PRIM1: variants seen among roughly 807,000 people sequenced by gnomAD.
PRIM1 encodes the protein DNA primase small subunit.
Under a neutral mutation model 60.2 loss-of-function variants are expected in PRIM1, and 38 were observed. The ratio of observed to expected loss-of-function variants is 0.63; its 90% CI spans 0.49 to 0.83. The LOEUF (loss-of-function observed/expected upper bound fraction) is 0.83, where lower values mean the gene tolerates loss of function less well. PRIM1 is among the 40% of genes least tolerant of loss of function. PRIM1 has a pLI of 0.00. For synonymous variants in PRIM1, 158 were observed against 160.2 expected (o/e 0.99, Z 0.10); for missense variants, 388 against 506.2 (o/e 0.77, Z 2.24).
At position 56,734,241 on chromosome 12, in the gene PRIM1, A is replaced by G. The variant is rs1161132231; in HGVS notation, c.1149T>C (p.Tyr383=). 1.9e-6 allele frequency: 3 copies of G among 1,550,788 alleles called. No homozygotes were observed. The highest frequency in any genetic ancestry group is 2.7e-5 in the African/African-American group (2 of 72,972). The change falls in exon 12 of 13, where the codon TAT becomes TAC. Residue 383 remains tyrosine, a synonymous_variant. Transcript: ENST00000338193. Reference sequence around the variant, plus strand: ...CATAAGGTGCTAGACTGGTCTTCTTATAATCTAAATTATGAAGAATGTACA... The same window carrying G: ...CATAAGGTGCTAGACTGGTCTTCTTGTAATCTAAATTATGAAGAATGTACA... ...ESDVKHRTRD[Y]KKTSLAPYVK...
At chr12:56,746,671 CACACAAAT>C (rs1254049564) in intron 4 of PRIM1, 102 bp downstream of exon 4, 33 of 660,440 alleles carry the variant, frequency 5.0e-5, no homozygotes, top group South Asian at 2.1e-4. Flanking sequence ...CACACACACA[CACACAAAT>C]TAATGAGATT....
intron 9 of PRIM1, among the ~76,000 whole-genome samples, chr12:56,740,314 G>A (rs1470403826): frequency 6.6e-6 from 1 of 151,902 alleles, no homozygotes; most frequent in African/African-American, 2.4e-5. Context: ...CCTGAAAATA[G>A]AACAAAATAG....
chr12:56,742,182 G>A (rs1460245363), intron 7 of PRIM1: 10 of 307,490 alleles, frequency 3.3e-5, no homozygotes, highest in Non-Finnish European at 5.0e-5. Flanking sequence ...AAATCTGCAA[G>A]GTGAAGGTTG....
intron 12 of PRIM1, among the ~76,000 whole-genome samples, chr12:56,733,092 T>A (rs544720258): frequency 6.6e-6 from 1 of 150,824 alleles, no homozygotes; most frequent in Admixed American, 6.6e-5. Context: ...TGACCTCAGG[T>A]GATCCACCTG....
At position 56,751,110 on chromosome 12, in the gene PRIM1, C is replaced by T. The variant is rs1191364715; in HGVS notation, c.189G>A (p.Gln63=). 3.8e-6 allele frequency: 6 copies of T among 1,595,298 alleles called. No homozygotes were observed. Among genetic ancestry groups the T allele is most frequent in the African/African-American group, 2.7e-5 (2 of 74,538 alleles). Residue 63 remains glutamine, a synonymous_variant, in exon 2 of 13, where the codon CAG becomes CAA. Coordinates refer to ENST00000338193, the MANE Select transcript of PRIM1 (RefSeq NM_000946.3). ...IYIRYQSFNN[Q]SDLEKEMQKM... is the part of the protein sequence containing the mutation. ...TCTGCATCTCCTTTTCCAGATCACTCTGGTTGTTGAAGGATTGGTAGCGAA... is the reference window on the plus strand; with the variant it reads ...TCTGCATCTCCTTTTCCAGATCACTTTGGTTGTTGAAGGATTGGTAGCGAA...
chr12:56,745,956 A>G (rs1410388879), intron 5 of PRIM1, 89 bp downstream of exon 5: 4 of 1,259,112 alleles, frequency 3.2e-6, no homozygotes, highest in Non-Finnish European at 4.3e-6. Context: ...AAAAAAAAAG[A>G]TAGTTTCATT....
At chr12:56,747,166 A>C in intron 2 of PRIM1, 134 bp from the exon 3 acceptor site, 1 of 673,592 alleles carries the variant, frequency 1.5e-6, no homozygotes, top group Admixed American at 2.8e-5. Flanking sequence ...TGACAGTGAA[A>C]GTTCATTATT....
intron 12 of PRIM1, among the ~76,000 whole-genome samples, chr12:56,733,011 C>T (rs1422209067): frequency 2.0e-5 from 3 of 151,442 alleles, no homozygotes; most frequent in Non-Finnish European, 2.9e-5. Flanking sequence ...CACAATACCA[C>T]GCCCGGCTAA....
At chr12:56,740,238 A>G (rs890028300) in intron 9 of PRIM1, among the ~76,000 whole-genome samples, 5 of 152,152 alleles carry the variant, frequency 3.3e-5, no homozygotes, top group African/African-American at 1.2e-4. Context: ...TTATTTCTAT[A>G]TTTAGAAATA....
At chr12:56,744,019 C>A in intron 6 of PRIM1, 46 bp downstream of exon 6, 2 of 1,361,890 alleles carry the variant, frequency 1.5e-6, no homozygotes, top group Non-Finnish European at 1.0e-6. Flanking sequence ...AGGCACATGC[C>A]GGTAAATCAG....
At chr12:56,744,146 A>G (rs753794336) in intron 5 of PRIM1, 23 bp from the exon 6 acceptor site, 5 of 1,491,696 alleles carry the variant, frequency 3.4e-6, no homozygotes, top group South Asian at 2.4e-5. Flanking sequence ...TCATTAAAAA[A>G]GAACTTCAGG....
chr12:56,739,331 C>A lies in PRIM1; in HGVS notation c.1015G>T (p.Val339Leu). 1 of 1,582,802 alleles carries A rather than the reference C, an allele frequency of 6.3e-7. No homozygotes were observed. The highest frequency in any genetic ancestry group is 8.6e-7 in the Non-Finnish European group (1 of 1,159,664). Residue 339 changes from valine to leucine, a missense_variant, in exon 10 of 13, where the codon GTG becomes TTG. Physicochemically the swap from Val to Leu is conservative, Grantham distance 32. This residue lies in a region of PRIM1 where 211 missense variants were observed against 277.9 expected (regional missense o/e 0.76). Transcript: ENST00000338193. ...ACAGTAAATGGATCAAACTGGTCCA[C>A]TTTCTGCAAATCAATAGGCACAGAT... ...RISVPIDLQK[V>L]DQFDPFTVPT...
At chr12:56,734,713 T>C (rs1953811150) in intron 11 of PRIM1, among the ~76,000 whole-genome samples, 1 of 150,058 alleles carries the variant, frequency 6.7e-6, no homozygotes, top group South Asian at 2.1e-4. Flanking sequence ...CCAGCTAAAA[T>C]ATTATTTTTG....
In PRIM1 at chr12:56,746,675, C is replaced by CAA. The variant is rs146032442; in HGVS notation, c.442+104_442+105dup. 5.2e-5 allele frequency: 16 copies of CAA among 304,968 alleles called. 1 individual carries two copies. Among genetic ancestry groups the CAA allele is most frequent in the South Asian group, 2.3e-4 (5 of 21,604 alleles). The allele number at this position is 304,968 out of a possible 1,614,324, so 18.9% of individuals were successfully genotyped here. ...ACACACACACACACACACACACACA[C>CAA]AAATTAATGAGATTTGATCACAAAA... On this transcript the variant is annotated intron_variant, in intron 4 of 12. Transcript: ENST00000338193.
chr12:56,751,976 T>TTTTTTTG, intron 1 of PRIM1, among the ~76,000 whole-genome samples: 1 of 148,826 alleles, frequency 6.7e-6, no homozygotes, highest in East Asian at 2.0e-4. Context: ...GTTTTTTTTT[T>TTTTTTTG]TTTTTTTTTT....
chr12:56,732,450 C>T (rs776200916), intron 12 of PRIM1, among the ~76,000 whole-genome samples: 8 of 152,156 alleles, frequency 5.3e-5, no homozygotes, highest in African/African-American at 9.7e-5. Context: ...GTGGCAATAG[C>T]GCAGTTGGCC....
intron 5 of PRIM1, 88 bp downstream of exon 5, chr12:56,745,957 T>TAA: frequency 8.0e-7 from 1 of 1,247,626 alleles, no homozygotes; most frequent in Non-Finnish European, 1.1e-6. Context: ...AAAAAAAAGA[T>TAA]AGTTTCATTT....
At position 56,746,247 on chromosome 12, in the gene PRIM1, A is replaced by G. The variant is rs1953905992; in HGVS notation, c.443-66T>C. 20 of 1,503,790 alleles carry G rather than the reference A, an allele frequency of 1.3e-5. No homozygotes were observed. In the South Asian group the frequency reaches 2.3e-4, roughly 17 times the overall value. 93.2% of individuals were successfully genotyped at this position (1,503,790 alleles called of 1,614,324 possible). ...AAACTCCTTAATTAATGTATATTAA[A>G]TTACTTGTTGTTTCCTGTGCTCCCC... On this transcript the variant is annotated intron_variant, in intron 4 of 12. Coordinates refer to ENST00000338193, the MANE Select transcript of PRIM1 (RefSeq NM_000946.3).
chr12:56,750,551 C>A (rs909426912), intron 2 of PRIM1, among the ~76,000 whole-genome samples: 7 of 150,962 alleles, frequency 4.6e-5, no homozygotes, highest in African/African-American at 1.7e-4. Flanking sequence ...AAAAGAATAA[C>A]TTCCATGGTG....
Sources: allele counts gnomAD v4.1 joint callset (sites outside exome capture counted in the v4.1 genomes callset), GRCh38; gene constraint gnomAD v4.1.1; regional missense constraint gnomAD v4.1.1; transcripts MANE v1.5; gene names NCBI Gene and HGNC (gene_info 2026-07-23, HGNC 2026-07-21).